LINGO2: variants seen among roughly 807,000 people sequenced by gnomAD.
LINGO2 encodes the protein leucine rich repeat and Ig domain containing 2.
Under a neutral mutation model 30.6 loss-of-function variants are expected in LINGO2, and 14 were observed. The observed-to-expected ratio is 0.46, with a 90% CI of 0.30 to 0.72. The LOEUF (loss-of-function observed/expected upper bound fraction) is 0.72. Ranked by LOEUF, LINGO2 falls within the 30% of genes least tolerant of loss-of-function variation. LINGO2 has a pLI of 0.07. For missense variants in LINGO2, 729 were observed against 751.7 expected (o/e 0.97, Z 0.35); for synonymous variants, 317 against 288.5 (o/e 1.10, Z -1.00).
chr9:28,306,224 A>G (rs1253139353), intron 3 of LINGO2, among the ~76,000 whole-genome samples: 1 of 152,130 alleles, frequency 6.6e-6, no homozygotes, highest in Non-Finnish European at 1.5e-5. Flanking sequence ...TTGTCCTCTG[A>G]GCCTAGCATA....
intron 4 of LINGO2, among the ~76,000 whole-genome samples, chr9:28,238,728 T>A (rs1025712489): frequency 6.6e-6 from 1 of 151,826 alleles, no homozygotes; most frequent in African/African-American, 2.4e-5. Flanking sequence ...ATGATGCATC[T>A]TAAAGAACTA....
At chr9:28,709,899 T>C in the LINGO2 span, among the ~76,000 whole-genome samples, 1 of 152,044 alleles carries the variant, frequency 6.6e-6, no homozygotes, top group Admixed American at 6.6e-5. Context: ...GAAGGGCTAT[T>C]GCACCTATGA....
chr9:28,800,591 G>A, the LINGO2 span, among the ~76,000 whole-genome samples: 1 of 151,712 alleles, frequency 6.6e-6, no homozygotes, highest in Non-Finnish European at 1.5e-5. Flanking sequence ...GGCCATGAAG[G>A]CACTCAGAAG....
chr9:28,816,859 AG>A, the LINGO2 span, among the ~76,000 whole-genome samples: 1 of 152,210 alleles, frequency 6.6e-6, no homozygotes, highest in Non-Finnish European at 1.5e-5. Context: ...AATTAATAAA[AG>A]AGAGCAAGAC....
chr9:27,950,442 A>T, exon 6 of LINGO2: 1 of 1,613,666 alleles, frequency 6.2e-7, no homozygotes, highest in Non-Finnish European at 8.5e-7. Flanking sequence ...ATATGATATG[A>T]ATTCTTCAGG....
intron 4 of LINGO2, among the ~76,000 whole-genome samples, chr9:28,176,595 A>T (rs1440106317): frequency 6.6e-6 from 1 of 152,224 alleles, no homozygotes; most frequent in Non-Finnish European, 1.5e-5. Flanking sequence ...CACTTCAGAG[A>T]GTACAAAATG....
At chr9:28,810,061 T>C in the LINGO2 span, among the ~76,000 whole-genome samples, 7 of 152,178 alleles carry the variant, frequency 4.6e-5, no homozygotes, top group Non-Finnish European at 8.8e-5. Flanking sequence ...ATTATAATAC[T>C]ACATTTACTC....
At chr9:28,491,682 A>G (rs1243792340) in intron 1 of LINGO2, among the ~76,000 whole-genome samples, 1 of 152,212 alleles carries the variant, frequency 6.6e-6, no homozygotes, top group Non-Finnish European at 1.5e-5. Flanking sequence ...ACTGTGATAT[A>G]TCAGCTACAA....
intron 1 of LINGO2, among the ~76,000 whole-genome samples, chr9:28,521,109 C>T (rs1473966048): frequency 1.3e-5 from 2 of 152,158 alleles, no homozygotes; most frequent in Non-Finnish European, 2.9e-5. Context: ...GAATACTAAT[C>T]CTCTGAATTA....
intron 4 of LINGO2, among the ~76,000 whole-genome samples, chr9:28,139,648 A>G (rs189909231): frequency 6.6e-6 from 1 of 152,358 alleles, no homozygotes; most frequent in East Asian, 1.9e-4. Flanking sequence ...AATTTAAAAT[A>G]TAAAGGAATT....
At chr9:28,008,180 A>C (rs1041317876) in intron 5 of LINGO2, among the ~76,000 whole-genome samples, 2 of 152,168 alleles carry the variant, frequency 1.3e-5, no homozygotes, top group African/African-American at 2.4e-5. Flanking sequence ...GAGAAACTCA[A>C]AGATTATGTT....
chr9:28,306,878 C>T (rs4458951), intron 3 of LINGO2, among the ~76,000 whole-genome samples: 1 of 152,010 alleles, frequency 6.6e-6, no homozygotes, highest in Non-Finnish European at 1.5e-5. Flanking sequence ...GATTAAACCA[C>T]GAACAAGTTG....
the LINGO2 span, among the ~76,000 whole-genome samples, chr9:28,851,403 C>T: frequency 6.6e-6 from 1 of 152,172 alleles, no homozygotes; most frequent in East Asian, 1.9e-4. Context: ...TCTTCTGGTC[C>T]TTTCTTCTAA....
the LINGO2 span, among the ~76,000 whole-genome samples, chr9:28,822,452 A>G: frequency 6.6e-6 from 1 of 152,174 alleles, no homozygotes; most frequent in Non-Finnish European, 1.5e-5. Flanking sequence ...AAGGATGCAA[A>G]GTATTGATCC....
At chr9:28,245,273 T>G (rs1056812259) in intron 4 of LINGO2, among the ~76,000 whole-genome samples, 17 of 152,106 alleles carry the variant, frequency 1.1e-4, no homozygotes, top group Non-Finnish European at 2.9e-5. Context: ...GGTTAAAAAC[T>G]CTCAATAAAC....
At chr9:28,433,181 A>C (rs1564195712) in intron 2 of LINGO2, among the ~76,000 whole-genome samples, 1 of 152,144 alleles carries the variant, frequency 6.6e-6, no homozygotes, top group Non-Finnish European at 1.5e-5. Flanking sequence ...ATTGCATACA[A>C]TTCCAAGTTG....
At chr9:28,291,717 A>G (rs1400309259) in intron 4 of LINGO2, among the ~76,000 whole-genome samples, 1 of 152,236 alleles carries the variant, frequency 6.6e-6, no homozygotes. Flanking sequence ...ATTGTGGGAC[A>G]ATATCTGACA....
the LINGO2 span, among the ~76,000 whole-genome samples, chr9:28,869,737 T>A: frequency 6.6e-6 from 1 of 151,782 alleles, no homozygotes. Context: ...GATCAATAGG[T>A]CAAAAATCAA....
chr9:28,786,330 G>A, the LINGO2 span, among the ~76,000 whole-genome samples: 3 of 152,228 alleles, frequency 2.0e-5, no homozygotes, highest in South Asian at 2.1e-4. Flanking sequence ...TATGGGAGGT[G>A]GGGACAAAGG....
Sources: gnomAD v4.1 joint callset for allele counts (sites outside exome capture counted in the v4.1 genomes callset) on GRCh38, gnomAD v4.1.1 for gene constraint, MANE v1.5 for transcripts, NCBI Gene and HGNC (gene_info 2026-07-23, HGNC 2026-07-21) for gene names.